PATL2: variants seen among roughly 807,000 people sequenced by gnomAD.
PATL2 encodes the protein protein PAT1 homolog 2.
A neutral mutation model predicts 77.0 loss-of-function variants in PATL2; 73 were observed. The observed-to-expected ratio is 0.95, with a 90% CI of 0.78 to 1.15. The LOEUF (loss-of-function observed/expected upper bound fraction) is 1.15, where lower values mean the gene tolerates loss of function less well. Ranked by LOEUF, PATL2 falls within the 50% of genes most tolerant of loss-of-function variation. The pLI is 0.00. For missense variants in PATL2, 618 were observed against 655.4 expected (o/e 0.94, Z 0.62); for synonymous variants, 265 against 257.1 (o/e 1.03, Z -0.29).
chr15:44,676,579 G>T lies in PATL2; in HGVS notation c.-75-14C>A. ...TGGAAGGTAAACCTGAGACAAGAAA[G>T]AGGCCAAGAGGCACCATCCTCAGTC... On this transcript the variant is annotated splice_polypyrimidine_tract_variant and intron_variant, in intron 3 of 17. Transcript: ENST00000682850. 1.9e-6 allele frequency: 3 copies of T among 1,540,816 alleles called. No homozygotes were observed. The highest frequency in any genetic ancestry group is 2.6e-6 in the Non-Finnish European group (3 of 1,138,466).
intron 16 of PATL2, 122 bp downstream of exon 16, chr15:44,666,984 A>G (rs2085405631): frequency 3.9e-6 from 3 of 767,390 alleles, no homozygotes; most frequent in African/African-American, 3.5e-5. Flanking sequence ...CAACACTGCT[A>G]CTACTTTCTC....
chr15:44,687,848 T>C (rs1053793339), intron 3 of PATL2, among the ~76,000 whole-genome samples: 23 of 152,108 alleles, frequency 1.5e-4, no homozygotes, highest in African/African-American at 5.3e-4. Flanking sequence ...TTACAAGTCA[T>C]GTGAAGGACC....
At position 44,672,594 on chromosome 15, in the gene PATL2, A is replaced by G. The variant is rs2085744844; in HGVS notation, c.447-138T>C. 7 of 773,736 alleles carry G rather than the reference A, an allele frequency of 9.0e-6. No individual in the cohort carries two copies. In the Middle Eastern group the frequency reaches 9.4e-4, roughly 104 times the overall value. 47.9% of individuals were successfully genotyped at this position (773,736 alleles called of 1,614,324 possible). On this transcript the variant is annotated intron_variant, in intron 7 of 17. Coordinates refer to ENST00000682850, the MANE Select transcript of PATL2 (RefSeq NM_001387263.1). ...TAGGTACTTTCCCAAAGTCAGCCAC[A>G]TGGCACATCATAGTCCTAGACCCAC...
intron 7 of PATL2, among the ~76,000 whole-genome samples, 160 bp from the exon 8 acceptor site, chr15:44,672,616 C>T (rs1282437433): frequency 2.6e-5 from 4 of 152,134 alleles, no homozygotes; most frequent in African/African-American, 9.7e-5. Context: ...AGTCCTAGAC[C>T]CACAGGGTTC....
chr15:44,683,682 A>G (rs562163749), intron 3 of PATL2, among the ~76,000 whole-genome samples: 1 of 152,316 alleles, frequency 6.6e-6, no homozygotes, highest in East Asian at 1.9e-4. Context: ...GCAGACTTAA[A>G]CATTCCTGCC....
chr15:44,670,646 A>C (rs2085627293), intron 9 of PATL2, among the ~76,000 whole-genome samples: 1 of 152,216 alleles, frequency 6.6e-6, no homozygotes, highest in African/African-American at 2.4e-5. Flanking sequence ...TAAAGACCAG[A>C]TACCACCACC....
Position 44,675,530 on chromosome 15 carries a change from C to T in PATL2, c.178G>A (p.Asp60Asn), listed in dbSNP as rs759128846. The change falls in exon 5 of 18, where the codon GAT (aspartate) becomes AAT (asparagine). Residue 60 changes from aspartate (D) to asparagine (N), a missense_variant. By Grantham distance (23) the Asp-to-Asn change is conservative (BLOSUM62 1). Transcript: ENST00000682850. ...CCAAGTACAGCTGGATCCCCAAGATCATTCTCTTCCTCCTCTAGGTCTGGG... is the reference window on the plus strand; with the variant it reads ...CCAAGTACAGCTGGATCCCCAAGATTATTCTCTTCCTCCTCTAGGTCTGGG... ...LDPDLEEEEN[D>N]LGDPAVLGAV... is the part of the protein sequence containing the mutation. 28 of 1,551,748 alleles carry T rather than the reference C, an allele frequency of 1.8e-5. No homozygotes were observed. Among genetic ancestry groups the T allele is most frequent in the Admixed American group, 1.2e-4 (6 of 50,974 alleles).
chr15:44,673,128 T>C (rs2085772421), intron 7 of PATL2, 107 bp downstream of exon 7: 7 of 1,361,514 alleles, frequency 5.1e-6, no homozygotes, highest in Non-Finnish European at 4.0e-6. Context: ...ACCTCAGACT[T>C]CTCTTACTAG....
intron 3 of PATL2, among the ~76,000 whole-genome samples, chr15:44,707,214 A>G (rs2141275462): frequency 6.6e-6 from 1 of 152,156 alleles, no homozygotes; most frequent in Middle Eastern, 3.4e-3. Context: ...GCCTGGAATC[A>G]GGGACCTTAA....
At chr15:44,693,860 C>T (rs1311488846) in intron 3 of PATL2, among the ~76,000 whole-genome samples, 2 of 152,030 alleles carry the variant, frequency 1.3e-5, no homozygotes, top group East Asian at 3.9e-4. Flanking sequence ...CCACCATGCC[C>T]GGGTAATTTT....
chr15:44,709,103 T>C (rs1473776009), intron 3 of PATL2, among the ~76,000 whole-genome samples: 1 of 152,100 alleles, frequency 6.6e-6, no homozygotes, highest in African/African-American at 2.4e-5. Context: ...TTCACCATGT[T>C]GGCCAGGCTG....
chr15:44,679,552 C>CTTTTTTTTTTTTT (rs545161525), intron 3 of PATL2, among the ~76,000 whole-genome samples: 30 of 114,342 alleles, frequency 2.6e-4, no homozygotes, highest in Non-Finnish European at 3.5e-4. Flanking sequence ...TTTTCTTTTT[C>CTTTTTTTTTTTTT]TTTTTTTTTT....
chr15:44,675,150 G>A, intron 5 of PATL2: 1 of 253,478 alleles, frequency 3.9e-6, no homozygotes. Context: ...GGATCCAGGG[G>A]AATAAATACC....
intron 9 of PATL2, among the ~76,000 whole-genome samples, chr15:44,671,593 G>A (rs190378616): frequency 6.6e-6 from 1 of 152,106 alleles, no homozygotes; most frequent in Non-Finnish European, 1.5e-5. Context: ...GGGAAAATGA[G>A]TAAAAATATC....
intron 3 of PATL2, among the ~76,000 whole-genome samples, chr15:44,693,955 A>G (rs1024253227): frequency 1.3e-5 from 2 of 152,054 alleles, no homozygotes; most frequent in Non-Finnish European, 1.5e-5. Flanking sequence ...TGCCAGCCTC[A>G]TCCTCCCATG....
chr15:44,676,919 G>A (rs1259210051), intron 3 of PATL2: 3 of 1,018,960 alleles, frequency 2.9e-6, no homozygotes, highest in Non-Finnish European at 3.5e-6. Context: ...GCCTGGGCCA[G>A]GACCTGTTTG....
rs147800951 is a variant in PATL2, at chr15:44,708,967, C to T, written c.-76+1129G>A. On this transcript the variant is annotated intron_variant, in intron 3 of 17. Coordinates refer to ENST00000682850, the MANE Select transcript of PATL2 (RefSeq NM_001387263.1). ...AGGCTGGAGTGCAGTGGTGCAATCT[C>T]GGCTCATTGCAACCTCTGCCTCCCA... Among the ~76,000 whole-genome samples, 721 of 152,210 alleles carry T rather than the reference C, an allele frequency of 4.7e-3. 7 individuals are homozygous for T. The highest frequency in any genetic ancestry group is 0.017 in the African/African-American group (698 of 41,518).
chr15:44,687,811 A>G (rs1273315557), intron 3 of PATL2, among the ~76,000 whole-genome samples: 2 of 152,200 alleles, frequency 1.3e-5, no homozygotes, highest in Non-Finnish European at 2.9e-5. Flanking sequence ...ATTGCTACAA[A>G]GAGAATTAAG....
intron 3 of PATL2, among the ~76,000 whole-genome samples, chr15:44,702,207 C>T (rs188058500): frequency 2.6e-5 from 4 of 152,036 alleles, no homozygotes; most frequent in Non-Finnish European, 5.9e-5. Context: ...CTTCAAGGTT[C>T]GATCTTGGCA....
Sources: gnomAD v4.1 joint callset for allele counts (sites outside exome capture counted in the v4.1 genomes callset) on GRCh38, gnomAD v4.1.1 for gene constraint, MANE v1.5 for transcripts, NCBI Gene and HGNC (gene_info 2026-07-23, HGNC 2026-07-21) for gene names.